CES1: variants seen among roughly 807,000 people sequenced by gnomAD.
CES1 encodes carboxylesterase 1, also known as liver carboxylesterase 1.
A neutral mutation model predicts 53.0 loss-of-function variants in CES1; 50 were observed. That is an observed-to-expected ratio of 0.94 (90% confidence interval 0.75 to 1.19). CES1 has a LOEUF of 1.19. Ranked by LOEUF, CES1 falls within the 50% of genes most tolerant of loss-of-function variation. The pLI, the probability that CES1 is intolerant of heterozygous loss-of-function variation, is 0.00. For missense variants in CES1, 534 were observed against 538.0 expected (o/e 0.99, Z 0.07); for synonymous variants, 202 against 210.1 (o/e 0.96, Z 0.33).
At chr16:55,821,031 G>T (rs568938183) in intron 5 of CES1, among the ~76,000 whole-genome samples, 1 of 151,832 alleles carries the variant, frequency 6.6e-6, no homozygotes, top group Non-Finnish European at 1.5e-5. Flanking sequence ...CAAGAGAAGG[G>T]ATGTGAGTCC....
At chr16:55,808,648 A>G (rs2031542066) in intron 11 of CES1, among the ~76,000 whole-genome samples, 1 of 152,190 alleles carries the variant, frequency 6.6e-6, no homozygotes, top group Non-Finnish European at 1.5e-5. Flanking sequence ...ATTATTAGAC[A>G]TGTGTTTAGA....
intron 11 of CES1, among the ~76,000 whole-genome samples, chr16:55,809,092 G>GAAAAAAAAA (rs1567490315): frequency 2.4e-4 from 2 of 8,396 alleles, no homozygotes; most frequent in Admixed American, 1.4e-3. Context: ...TGTAGTCCTG[G>GAAAAAAAAA]CAAAAAAAAA....
Position 55,810,665 on chromosome 16 carries a change from C to T in CES1, c.1171-1G>A, listed in dbSNP as rs746909641. 1 of 1,614,136 alleles carries T rather than the reference C, an allele frequency of 6.2e-7. No homozygotes were observed. The highest frequency in any genetic ancestry group is 1.1e-5 in the South Asian group (1 of 91,088). On this transcript the variant is annotated splice_acceptor_variant, in intron 10 of 13. Transcript: ENST00000360526. LOFTEE classifies it high-confidence loss of function. ...CTGGAATCAGTTCCTTAGCAATGCA[C>T]TGAAATAGATCAAAAAGTGACCACC...
intron 3 of CES1, among the ~76,000 whole-genome samples, chr16:55,824,780 C>T (rs1461880198): frequency 2.9e-4 from 44 of 152,190 alleles, no homozygotes; most frequent in Non-Finnish European, 5.0e-4. Flanking sequence ...GTGATGATTC[C>T]CATTTTGAGG....
Position 55,826,733 on chromosome 16 carries a change from G to A in CES1, c.261-438C>T, listed in dbSNP as rs1266872684. ...TTACACTCTGCGTCCCAATCCGCCA[G>A]GTCTAAGTGAGCGGAGTGATTTCTA... On this transcript the variant is annotated intron_variant, in intron 2 of 13. Transcript: ENST00000360526. 5.3e-5 allele frequency among the ~76,000 whole-genome samples: 8 copies of A among 152,178 alleles called. No homozygotes were observed. In the East Asian group the frequency reaches 1.3e-3, roughly 26 times the overall value.
intron 3 of CES1, among the ~76,000 whole-genome samples, chr16:55,824,997 T>C (rs1285970485): frequency 6.6e-6 from 1 of 152,160 alleles, no homozygotes; most frequent in Non-Finnish European, 1.5e-5. Flanking sequence ...CATTCATCTT[T>C]GTGTGAAGAC....
At chr16:55,832,852 A>T (rs1216825368) in intron 1 of CES1, 152 bp downstream of exon 1, 1 of 802,392 alleles carries the variant, frequency 1.2e-6, no homozygotes, top group Non-Finnish European at 2.2e-6. Context: ...GGCCGGGCTC[A>T]GCTGCTCCAA....
chr16:55,811,060 T>A (rs770129192), intron 9 of CES1, 50 bp from the exon 10 acceptor site: 4 of 1,483,910 alleles, frequency 2.7e-6, no homozygotes, highest in Admixed American at 1.8e-5. Context: ...GAATTAATGA[T>A]AAGAAACAAA....
chr16:55,825,113 T>C (rs1318709832), intron 3 of CES1, among the ~76,000 whole-genome samples: 1 of 152,212 alleles, frequency 6.6e-6, no homozygotes, highest in Non-Finnish European at 1.5e-5. Context: ...TGGATTCATG[T>C]TCCTCCTTTC....
chr16:55,810,464 G>T lies in CES1; in HGVS notation c.1318+53C>A, dbSNP rs1488690950. 4.3e-6 allele frequency: 7 copies of T among 1,611,580 alleles called. No homozygotes were observed. In the East Asian group the frequency reaches 1.6e-4, roughly 36 times the overall value. On this transcript the variant is annotated intron_variant, in intron 11 of 13. Coordinates refer to ENST00000360526, the MANE Select transcript of CES1 (RefSeq NM_001025195.2). ...TCTATGCTGGGAGGTAGGTGGGTCA[G>T]ATACAGAAGCTCGTGGGGTTTGTGT...
chr16:55,810,935 G>A lies in CES1; in HGVS notation c.1162C>T (p.Pro388Ser), dbSNP rs1233397172. 7 of 1,613,256 alleles carry A rather than the reference G, an allele frequency of 4.3e-6. No individual in the cohort carries two copies. Among genetic ancestry groups the A allele is most frequent in the Admixed American group, 1.7e-5 (1 of 59,994 alleles). Reference protein sequence around the residue: ...TAMSLLWKSYPLVCIAKELIP... With the variant: ...TAMSLLWKSYSLVCIAKELIP... The stretch of plus-strand genomic sequence containing the variant: ...GATTCCTAGACTCTTACAACAAGGG[G>A]ATAGGACTTCCACAGGAGTGACATG... The change falls in exon 10 of 14, where the codon CCC (proline) becomes TCC (serine). Residue 388 changes from proline to serine, a missense_variant. Around this residue, in one of 5 missense-constraint regions of CES1, gnomAD observed 269 missense variants for 206.6 expected, o/e 1.30. Transcript: ENST00000360526.
intron 4 of CES1, 132 bp from the exon 5 acceptor site, chr16:55,821,653 G>C (rs1305078532): frequency 3.2e-6 from 3 of 938,942 alleles, no homozygotes; most frequent in South Asian, 1.4e-5. Context: ...CTGAGACCCT[G>C]CTTTCATTAG....
At chr16:55,821,262 C>G in intron 5 of CES1, 106 bp downstream of exon 5, 2 of 1,437,768 alleles carry the variant, frequency 1.4e-6, no homozygotes, top group Non-Finnish European at 2.0e-6. Context: ...GTCCTGAATT[C>G]AGGTATTGTA....
chr16:55,809,870 G>C (rs574440619), intron 11 of CES1, among the ~76,000 whole-genome samples: 3 of 152,342 alleles, frequency 2.0e-5, no homozygotes, highest in African/African-American at 7.2e-5. Context: ...TCCTACAGCA[G>C]CCCTATGTCC....
intron 8 of CES1, among the ~76,000 whole-genome samples, chr16:55,813,528 G>A (rs2031797708): frequency 6.6e-6 from 1 of 152,134 alleles, no homozygotes; most frequent in Non-Finnish European, 1.5e-5. Context: ...TCTGTTGAAA[G>A]AGACTTCCAC....
chr16:55,818,677 C>T (rs1467283100), intron 7 of CES1, among the ~76,000 whole-genome samples: 3 of 151,914 alleles, frequency 2.0e-5, no homozygotes, highest in Non-Finnish European at 4.4e-5. Flanking sequence ...TCCTTGAGAG[C>T]AGGGACTATG....
chr16:55,811,137 G>A, intron 9 of CES1, 127 bp from the exon 10 acceptor site: 1 of 771,546 alleles, frequency 1.3e-6, no homozygotes, highest in South Asian at 1.5e-5. Context: ...AAGGGCATGA[G>A]TCTTTACTGA....
chr16:55,818,207 G>C (rs140965697), intron 7 of CES1, among the ~76,000 whole-genome samples: 8,754 of 152,176 alleles, frequency 0.058, 286 homozygotes, highest in Middle Eastern at 0.13. Flanking sequence ...CAATGGCCCT[G>C]GGTGCTGTGT....
intron 2 of CES1, among the ~76,000 whole-genome samples, chr16:55,828,422 A>C (rs1187114851): frequency 2.0e-5 from 3 of 152,182 alleles, no homozygotes; most frequent in African/African-American, 7.2e-5. Flanking sequence ...TTTGTTTCCA[A>C]GGCACTTTTC....
Sources: gnomAD v4.1 joint callset for allele counts (sites outside exome capture counted in the v4.1 genomes callset) on GRCh38, gnomAD v4.1.1 for gene constraint, gnomAD v4.1.1 regional missense constraint, MANE v1.5 for transcripts, NCBI Gene and HGNC (gene_info 2026-07-23, HGNC 2026-07-21) for gene names.